Variants in STRBP observed in about 807,000 individuals in gnomAD.
STRBP encodes the protein spermatid perinuclear RNA-binding protein.
Under a neutral mutation model 80.1 loss-of-function variants are expected in STRBP, and 13 were observed. That is an observed-to-expected ratio of 0.16 (90% CI 0.11 to 0.26). The LOEUF (loss-of-function observed/expected upper bound fraction) is 0.26, where lower values mean the gene tolerates loss of function less well. Among genes scored for constraint, STRBP ranks in the 10% least tolerant of loss-of-function variants. The pLI is 1.00. For synonymous variants in STRBP, 284 were observed against 291.2 expected (o/e 0.98, Z 0.25); for missense variants, 485 against 815.2 (o/e 0.59, Z 4.93).
chr9:123,166,632 T>C (rs2037770501), intron 6 of STRBP, among the ~76,000 whole-genome samples: 1 of 152,096 alleles, frequency 6.6e-6, no homozygotes, highest in South Asian at 2.1e-4. Flanking sequence ...CATGCACCTG[T>C]AGTCCCAGCT....
intron 11 of STRBP, among the ~76,000 whole-genome samples, chr9:123,157,602 A>G (rs2037343843): frequency 6.6e-6 from 1 of 152,166 alleles, no homozygotes; most frequent in Non-Finnish European, 1.5e-5. Context: ...TCACAGTGCC[A>G]TATAACTGGG....
chr9:123,139,659 C>A lies in STRBP; in HGVS notation c.1367G>T (p.Gly456Val). 3.7e-6 allele frequency: 6 copies of A among 1,611,998 alleles called. No individual in the cohort carries two copies. Among genetic ancestry groups the A allele is most frequent in the Non-Finnish European group, 5.1e-6 (6 of 1,179,630 alleles). Reference sequence around the variant, plus strand: ...CATACATTCAATATCTGCATCAAAGCCTGTTGGATATCCCATTGCCTGCAA... The same window carrying A: ...CATACATTCAATATCTGCATCAAAGACTGTTGGATATCCCATTGCCTGCAA... Reference protein sequence around the residue: ...KVLQAMGYPTGFDADIECMSS... With the variant: ...KVLQAMGYPTVFDADIECMSS... Residue 456 changes from glycine to valine, a missense_variant, in exon 14 of 19, where the codon GGC becomes GTC. Gly to Val is a moderately radical substitution (Grantham distance 109, BLOSUM62 -3). Around this residue, in one of 3 missense-constraint regions of STRBP, gnomAD observed 377 missense variants for 616.1 expected, o/e 0.61. Coordinates refer to ENST00000348403, the MANE Select transcript of STRBP (RefSeq NM_018387.5).
intron 5 of STRBP, among the ~76,000 whole-genome samples, chr9:123,171,445 G>T (rs1192367926): frequency 6.6e-6 from 1 of 152,112 alleles, no homozygotes; most frequent in Non-Finnish European, 1.5e-5. Flanking sequence ...ATCAGAGACT[G>T]GTTTTCCACA....
At chr9:123,157,497 G>C (rs2132387514) in intron 11 of STRBP, among the ~76,000 whole-genome samples, 1 of 152,098 alleles carries the variant, frequency 6.6e-6, no homozygotes, top group East Asian at 1.9e-4. Context: ...TCAGTGTATT[G>C]GTCCATTCTA....
rs2035841588 is a variant in STRBP, at chr9:123,125,015, C to A, written c.*582G>T. On this transcript the variant is annotated 3_prime_UTR_variant, in exon 19 of 19. Transcript: ENST00000348403. ...CTTGTAATTTGATACCAAAACATATCAAAAATAATAAGCTAAAACAATATT... is the reference window on the plus strand; with the variant it reads ...CTTGTAATTTGATACCAAAACATATAAAAAATAATAAGCTAAAACAATATT... 5.1e-6 allele frequency: 5 copies of A among 985,246 alleles called. No individual in the cohort carries two copies. Among genetic ancestry groups the A allele is most frequent in the Non-Finnish European group, 4.8e-6 (4 of 829,578 alleles). The allele number at this position is 985,246 out of a possible 1,614,324, so 61.0% of individuals were successfully genotyped here.
chr9:123,152,784 G>A (rs1377934999), intron 11 of STRBP, among the ~76,000 whole-genome samples: 2 of 152,150 alleles, frequency 1.3e-5, no homozygotes, highest in East Asian at 1.9e-4. Context: ...GATCTTAATG[G>A]TGTTGGAACA....
intron 2 of STRBP, among the ~76,000 whole-genome samples, chr9:123,225,785 T>C (rs1381939369): frequency 6.6e-6 from 1 of 152,212 alleles, no homozygotes. Context: ...TAACACCCTG[T>C]TCATAAGTTC....
rs370790859 is a variant in STRBP, at chr9:123,173,819, C to G, written c.248G>C (p.Cys83Ser). 5 of 1,607,958 alleles carry G rather than the reference C, an allele frequency of 3.1e-6. No homozygotes were observed. The highest frequency in any genetic ancestry group is 4.2e-6 in the Non-Finnish European group (5 of 1,178,140). Residue 83 changes from cysteine to serine, a missense_variant, in exon 5 of 19, where the codon TGT becomes TCT. Physicochemically the swap from Cys to Ser is moderately radical, Grantham distance 112 (BLOSUM62 -1). This residue lies in a region of STRBP where 377 missense variants were observed against 616.1 expected (regional missense o/e 0.61). Transcript: ENST00000348403. ...AACCAGGCCAATCCTCATTACACCACACAATGTCCGACCACCTTGATCCCT... is the reference window on the plus strand; with the variant it reads ...AACCAGGCCAATCCTCATTACACCAGACAATGTCCGACCACCTTGATCCCT... ...YSKDQGGRTLCGVMRIGLVAK... is the reference protein window; with the variant it reads ...YSKDQGGRTLSGVMRIGLVAK...
At chr9:123,132,405 G>A (rs918832042) in intron 17 of STRBP, among the ~76,000 whole-genome samples, 1 of 151,778 alleles carries the variant, frequency 6.6e-6, no homozygotes, top group African/African-American at 2.4e-5. Context: ...TTTCCTTTGT[G>A]TATTTCTTTA....
intron 2 of STRBP, among the ~76,000 whole-genome samples, chr9:123,230,086 A>G (rs2040356242): frequency 6.6e-6 from 1 of 152,176 alleles, no homozygotes; most frequent in Admixed American, 6.5e-5. Flanking sequence ...CATAATGACT[A>G]TGGAATTTAA....
At chr9:123,125,702 C>T (rs1447711837) in intron 18 of STRBP, 29 bp from the exon 19 acceptor site, 1 of 1,558,612 alleles carries the variant, frequency 6.4e-7, no homozygotes, top group East Asian at 2.3e-5. Flanking sequence ...GAGAGGACTC[C>T]AAATAAGTTT....
chr9:123,158,632 A>G (rs1483015042), intron 9 of STRBP, among the ~76,000 whole-genome samples: 1 of 152,198 alleles, frequency 6.6e-6, no homozygotes, highest in African/African-American at 2.4e-5. Context: ...TCCTTATTTT[A>G]TACTGGAAGT....
At chr9:123,129,356 C>CAAT (rs987364520) in intron 17 of STRBP, among the ~76,000 whole-genome samples, 3 of 151,760 alleles carry the variant, frequency 2.0e-5, no homozygotes, top group African/African-American at 4.8e-5. Context: ...GATCATGTCT[C>CAAT]AATAATAATA....
intron 17 of STRBP, 85 bp downstream of exon 17, chr9:123,132,760 G>A: frequency 6.4e-7 from 1 of 1,552,442 alleles, no homozygotes; most frequent in South Asian, 1.2e-5. Flanking sequence ...CACAAACCCT[G>A]TACAACCTTA....
At chr9:123,202,478 G>C (rs2039362118) in intron 2 of STRBP, among the ~76,000 whole-genome samples, 1 of 152,098 alleles carries the variant, frequency 6.6e-6, no homozygotes, top group Admixed American at 6.6e-5. Flanking sequence ...TAGTTTTGTG[G>C]GATAAAAAAT....
At chr9:123,129,410 A>G (rs2036037992) in intron 17 of STRBP, among the ~76,000 whole-genome samples, 1 of 152,218 alleles carries the variant, frequency 6.6e-6, no homozygotes, top group South Asian at 2.1e-4. Context: ...AAAAATTTCT[A>G]AAGTAGAACA....
At chr9:123,157,664 T>G (rs2037346316) in intron 11 of STRBP, among the ~76,000 whole-genome samples, 1 of 152,052 alleles carries the variant, frequency 6.6e-6, no homozygotes, top group Non-Finnish European at 1.5e-5. Context: ...AACACATCCT[T>G]CTTCACATGG....
At chr9:123,178,802 C>T (rs2038331399) in intron 4 of STRBP, among the ~76,000 whole-genome samples, 1 of 152,164 alleles carries the variant, frequency 6.6e-6, no homozygotes, top group Non-Finnish European at 1.5e-5. Flanking sequence ...CATTTTCTTT[C>T]TCTGGCTCTA....
rs372242712 is a variant in STRBP at position 123,158,070 on chromosome 9, G to C, written c.987C>G (p.Asp329Glu). The C allele has an allele frequency of 4.3e-6, 7 of 1,609,470 alleles. No homozygotes were observed. Among genetic ancestry groups the C allele is most frequent in the Non-Finnish European group, 5.9e-6 (7 of 1,178,590 alleles). The change falls in exon 11 of 19, where the codon GAC becomes GAG. Residue 329 changes from aspartate to glutamate, a missense_variant. This residue lies in a region of STRBP where 377 missense variants were observed against 616.1 expected (regional missense o/e 0.61). Coordinates refer to ENST00000348403, the MANE Select transcript of STRBP (RefSeq NM_018387.5). ...GAAAAGGCTTACTAGATGGAAGGGG[G>C]TCCATCTCCAGCACTTTGTAAATCT... Reference protein sequence around the residue: ...FGQIYKVLEMDPLPSSKPFQK... With the variant: ...FGQIYKVLEMEPLPSSKPFQK...
Sources: gnomAD v4.1 joint callset for allele counts (sites outside exome capture counted in the v4.1 genomes callset) on GRCh38, gnomAD v4.1.1 for gene constraint, gnomAD v4.1.1 regional missense constraint, MANE v1.5 for transcripts, NCBI Gene and HGNC (gene_info 2026-07-23, HGNC 2026-07-21) for gene names.